RPH3A: variants seen among roughly 807,000 people sequenced by gnomAD.
RPH3A encodes the protein rabphilin-3A.
Under a neutral mutation model 102.2 loss-of-function variants are expected in RPH3A, and 48 were observed. The ratio of observed to expected loss-of-function variants is 0.47; its 90% confidence interval spans 0.37 to 0.60. RPH3A has a LOEUF of 0.60. Among genes scored for constraint, RPH3A ranks in the 20% least tolerant of loss-of-function variants. The pLI is 0.00. For synonymous variants in RPH3A, 310 were observed against 324.3 expected (o/e 0.96, Z 0.47); for missense variants, 781 against 910.1 (o/e 0.86, Z 1.83).
intron 1 of RPH3A, among the ~76,000 whole-genome samples, chr12:112,699,727 C>G (rs2040379072): frequency 6.6e-6 from 1 of 152,098 alleles, no homozygotes; most frequent in Non-Finnish European, 1.5e-5. Flanking sequence ...AAACTGCACG[C>G]TTAAAATCTG....
intron 4 of RPH3A, among the ~76,000 whole-genome samples, chr12:112,843,664 G>GTCCTGAATGAGTCCCA (rs2042184624): frequency 1.3e-5 from 2 of 152,174 alleles, no homozygotes; most frequent in Admixed American, 1.3e-4. Context: ...TGTCCTTGGA[G>GTCCTGAATGAGTCCCA]GGTCTTCACT....
chr12:112,870,869 C>T (rs539206231), intron 10 of RPH3A, among the ~76,000 whole-genome samples: 2 of 152,190 alleles, frequency 1.3e-5, no homozygotes, highest in Non-Finnish European at 2.9e-5. Flanking sequence ...ACTTCCAGAT[C>T]CTCAACATCA....
intron 2 of RPH3A, among the ~76,000 whole-genome samples, chr12:112,797,450 T>C (rs2136097043): frequency 6.6e-6 from 1 of 152,246 alleles, no homozygotes; most frequent in African/African-American, 2.4e-5. Context: ...AAAAAGCTCT[T>C]GATGCCCGGA....
At chr12:112,707,111 G>GT (rs2040431764) in intron 1 of RPH3A, among the ~76,000 whole-genome samples, 1 of 152,194 alleles carries the variant, frequency 6.6e-6, no homozygotes, top group African/African-American at 2.4e-5. Flanking sequence ...ATGGGGCCAT[G>GT]TAAGAGGTAA....
chr12:112,736,259 C>A lies in RPH3A; in HGVS notation c.-139-55884C>A, dbSNP rs148046570. Among the ~76,000 whole-genome samples, 270 of 152,318 alleles carry A rather than the reference C, an allele frequency of 1.8e-3. 1 individual carries two copies. Among genetic ancestry groups the A allele is most frequent in the African/African-American group, 5.7e-3 (239 of 41,576 alleles). On this transcript the variant is annotated intron_variant, in intron 1 of 21. Transcript: ENST00000543106. The stretch of plus-strand genomic sequence containing the variant: ...CAGTTGTGACAACTGAAACTGCCTC[C>A]AGACATTGCCCAATGTCCCTGAGGG...
chr12:112,606,525 T>G (rs997284543), intron 1 of RPH3A, among the ~76,000 whole-genome samples: 2 of 151,984 alleles, frequency 1.3e-5, no homozygotes, highest in Non-Finnish European at 2.9e-5. Context: ...GGGATTACAG[T>G]GCCCGCCACT....
chr12:112,669,098 T>A (rs1592934585), intron 1 of RPH3A, among the ~76,000 whole-genome samples: 2 of 152,174 alleles, frequency 1.3e-5, no homozygotes, highest in Non-Finnish European at 2.9e-5. Context: ...GTTGTGTAGG[T>A]TGCTCACTGC....
intron 1 of RPH3A, among the ~76,000 whole-genome samples, chr12:112,658,866 A>G (rs1044992781): frequency 2.0e-5 from 3 of 152,162 alleles, no homozygotes; most frequent in African/African-American, 4.8e-5. Context: ...TTCCAGGCCA[A>G]CGGCGCCTCA....
intron 1 of RPH3A, among the ~76,000 whole-genome samples, chr12:112,642,752 T>C (rs774464854): frequency 1.8e-4 from 27 of 152,196 alleles, no homozygotes; most frequent in Non-Finnish European, 3.8e-4. Flanking sequence ...TCAACCAGTA[T>C]TCATTAAGTA....
At chr12:112,850,654 T>C (rs535446237) in intron 5 of RPH3A, 1 of 152,352 alleles carries the variant, frequency 6.6e-6, no homozygotes, top group African/African-American at 2.4e-5. Flanking sequence ...TATTTGTGTC[T>C]TATAAACTCA....
At position 112,869,765 on chromosome 12, in the gene RPH3A, G is replaced by C. The variant is rs201228672; in HGVS notation, c.617G>C (p.Ser206Thr). Residue 206 changes from serine to threonine, a missense_variant, in exon 9 of 22, where the codon AGT (serine) becomes ACT (threonine). Around this residue, in one of 2 missense-constraint regions of RPH3A, gnomAD observed 730 missense variants for 810.0 expected, o/e 0.90. Coordinates refer to ENST00000389385, the MANE Select transcript of RPH3A (RefSeq NM_001143854.2). ...TTGTGTTTTCTTTCTCCAGGTGACA[G>C]TGAAGATAGGAGGGGCCCGGGTCAG... Reference protein sequence around the residue: ...HPARAPARGDSEDRRGPGQKT... With the variant: ...HPARAPARGDTEDRRGPGQKT... The C allele has an allele frequency of 6.2e-7, 1 of 1,614,200 alleles. No homozygotes were observed. Among genetic ancestry groups the C allele is most frequent in the Non-Finnish European group, 8.5e-7 (1 of 1,180,026 alleles).
rs538130436 is a variant in RPH3A at position 112,804,816 on chromosome 12, A to G, written c.-19+12553A>G. The stretch of plus-strand genomic sequence containing the variant: ...TTAGGAATGAACCTCTTAGGATGCT[A>G]TCATTGTCATCATTATTTCATAGCA... On this transcript the variant is annotated intron_variant, in intron 2 of 21. Coordinates refer to ENST00000389385, the MANE Select transcript of RPH3A (RefSeq NM_001143854.2). Among the ~76,000 whole-genome samples the G allele has an allele frequency of 1.2e-3, 189 of 152,334 alleles. 1 individual carries two copies. The highest frequency in any genetic ancestry group is 4.2e-3 in the African/African-American group (176 of 41,566).
chr12:112,824,491 A>G (rs937010673), intron 2 of RPH3A, among the ~76,000 whole-genome samples: 7 of 152,110 alleles, frequency 4.6e-5, no homozygotes, highest in African/African-American at 1.4e-4. Flanking sequence ...GCCTCCCCCC[A>G]ACTGCATCTC....
At chr12:112,716,387 T>A (rs780194009) in intron 1 of RPH3A, among the ~76,000 whole-genome samples, 1 of 152,246 alleles carries the variant, frequency 6.6e-6, no homozygotes, top group African/African-American at 2.4e-5. Context: ...GTATGTTCAG[T>A]GAGCATCCAT....
chr12:112,882,580 C>A (rs2042933427), intron 15 of RPH3A, among the ~76,000 whole-genome samples: 1 of 152,184 alleles, frequency 6.6e-6, no homozygotes, highest in African/African-American at 2.4e-5. Flanking sequence ...CGCCCTCCAC[C>A]CTCAACACAC....
intron 1 of RPH3A, among the ~76,000 whole-genome samples, chr12:112,726,226 T>C (rs958431501): frequency 1.3e-5 from 2 of 152,170 alleles, no homozygotes; most frequent in African/African-American, 4.8e-5. Context: ...GTGGTTCTCC[T>C]GCCTCGGGCT....
intron 1 of RPH3A, among the ~76,000 whole-genome samples, chr12:112,687,267 G>A (rs556202364): frequency 6.6e-6 from 1 of 152,320 alleles, no homozygotes; most frequent in South Asian, 2.1e-4. Flanking sequence ...GGATATCAAG[G>A]ACCCAGGCTC....
At chr12:112,806,372 C>T (rs1025452571) in intron 2 of RPH3A, among the ~76,000 whole-genome samples, 3 of 152,182 alleles carry the variant, frequency 2.0e-5, no homozygotes, top group African/African-American at 4.8e-5. Context: ...CACTGGCTCA[C>T]GCCTGTAATC....
At chr12:112,790,848 G>C (rs1002378813), upstream of RPH3A, among the ~76,000 whole-genome samples, 1 of 152,214 alleles carries the variant, frequency 6.6e-6, no homozygotes, top group African/African-American at 2.4e-5. Flanking sequence ...TGCCATCCTA[G>C]CTGGGCTGTC....
Sources: allele counts gnomAD v4.1 joint callset (sites outside exome capture counted in the v4.1 genomes callset), GRCh38; gene constraint gnomAD v4.1.1; regional missense constraint gnomAD v4.1.1; transcripts MANE v1.5; gene names NCBI Gene and HGNC (gene_info 2026-07-23, HGNC 2026-07-21).